OTUD7A: variants seen among roughly 807,000 people sequenced by gnomAD.
OTUD7A encodes the protein OTU deubiquitinase 7A.
OTUD7A carries 12 observed loss-of-function variants against 65.7 expected under a neutral mutation model. The ratio of observed to expected loss-of-function variants is 0.18; its 90% CI spans 0.12 to 0.30. The LOEUF is 0.30. Ranked by LOEUF, OTUD7A falls within the 10% of genes least tolerant of loss-of-function variation. OTUD7A has a pLI of 1.00. For synonymous variants in OTUD7A, 641 were observed against 586.3 expected (o/e 1.09, Z -1.35); for missense variants, 1,148 against 1,304.8 (o/e 0.88, Z 1.85).
intron 1 of OTUD7A, among the ~76,000 whole-genome samples, chr15:31,842,575 G>C (rs913869471): frequency 3.3e-5 from 5 of 152,166 alleles, no homozygotes; most frequent in Non-Finnish European, 1.5e-5. Context: ...GCTGGTGGGG[G>C]ACAGAGAGGA....
At chr15:31,734,778 G>A (rs1057480084) in intron 1 of OTUD7A, among the ~76,000 whole-genome samples, 1 of 151,740 alleles carries the variant, frequency 6.6e-6, no homozygotes, top group African/African-American at 2.4e-5. Context: ...AGACTTAAAT[G>A]TAAAACCCAA....
chr15:31,770,855 C>A (rs1895215850), intron 1 of OTUD7A, among the ~76,000 whole-genome samples: 1 of 152,224 alleles, frequency 6.6e-6, no homozygotes, highest in Non-Finnish European at 1.5e-5. Context: ...AATCTACCAT[C>A]TATTCATGAT....
chr15:31,517,013 CCA>C lies in OTUD7A; in HGVS notation c.893+9334_893+9335del, dbSNP rs2041868392. ...AAGGAGAACACAAGGCTGGTCCCAG[CCA>C]CAGAGCGATGGTCAGGTAAGAAAAA... On this transcript the variant is annotated intron_variant, in intron 8 of 12. Coordinates refer to ENST00000307050, the MANE Select transcript of OTUD7A (RefSeq NM_001382637.1). 3.9e-5 allele frequency among the ~76,000 whole-genome samples: 6 copies of C among 152,206 alleles called. 1 individual carries two copies. In the South Asian group the frequency reaches 1.2e-3, roughly 31 times the overall value.
intron 1 of OTUD7A, among the ~76,000 whole-genome samples, chr15:31,726,353 A>ACG (rs1011978081): frequency 2.6e-5 from 4 of 151,634 alleles, no homozygotes; most frequent in African/African-American, 9.7e-5. Flanking sequence ...ACACGCACAC[A>ACG]CACACACACA....
intron 1 of OTUD7A, among the ~76,000 whole-genome samples, chr15:31,841,116 G>GCCAA (rs1197644379): frequency 6.6e-6 from 1 of 152,138 alleles, no homozygotes; most frequent in Non-Finnish European, 1.5e-5. Flanking sequence ...CATCTGCTTG[G>GCCAA]TACACAGAGG....
At chr15:31,775,654 A>G (rs1895358468) in intron 1 of OTUD7A, among the ~76,000 whole-genome samples, 1 of 152,230 alleles carries the variant, frequency 6.6e-6, no homozygotes, top group South Asian at 2.1e-4. Flanking sequence ...TTCCCCACAG[A>G]GGATACTACT....
In OTUD7A at chr15:31,559,602, G is replaced by A. The variant is rs139066234; in HGVS notation, c.332-415C>T. ...TGCACATCCACTTGTATACATACATGTGCACACACTACATAGCATACACAT... is the reference window on the plus strand; with the variant it reads ...TGCACATCCACTTGTATACATACATATGCACACACTACATAGCATACACAT... On this transcript the variant is annotated intron_variant, in intron 4 of 12. Transcript: ENST00000307050. 1.0e-3 allele frequency among the ~76,000 whole-genome samples: 158 copies of A among 152,204 alleles called. 4 individuals carry two copies. The highest frequency in any genetic ancestry group is 3.7e-3 in the African/African-American group (153 of 41,496).
At chr15:31,647,822 C>T (rs1176705641) in intron 3 of OTUD7A, among the ~76,000 whole-genome samples, 2 of 151,806 alleles carry the variant, frequency 1.3e-5, no homozygotes, top group Non-Finnish European at 2.9e-5. Context: ...TCCTTGCTGT[C>T]GGGGAGTTCA....
intron 5 of OTUD7A, chr15:31,557,585 C>T (rs577260592): frequency 6.6e-6 from 1 of 152,448 alleles, no homozygotes; most frequent in East Asian, 1.9e-4. Context: ...CCATCAGCCA[C>T]TCTCATCCCT....
chr15:31,531,123 C>T (rs1276668827), intron 5 of OTUD7A, among the ~76,000 whole-genome samples: 1 of 152,164 alleles, frequency 6.6e-6, no homozygotes, highest in Non-Finnish European at 1.5e-5. Context: ...ACAGCTTTCC[C>T]TCCTGAAAGC....
chr15:31,646,183 C>T, intron 3 of OTUD7A, among the ~76,000 whole-genome samples: 1 of 152,088 alleles, frequency 6.6e-6, no homozygotes, highest in Non-Finnish European at 1.5e-5. Flanking sequence ...GACAGCTCAT[C>T]CACAGGGCTG....
At chr15:31,761,853 C>A (rs1238584741) in intron 1 of OTUD7A, among the ~76,000 whole-genome samples, 1 of 152,120 alleles carries the variant, frequency 6.6e-6, no homozygotes. Context: ...CTGGTACTTA[C>A]TACAACATGG....
At chr15:31,729,648 T>A (rs750889041) in intron 1 of OTUD7A, among the ~76,000 whole-genome samples, 5 of 152,200 alleles carry the variant, frequency 3.3e-5, no homozygotes, top group Non-Finnish European at 5.9e-5. Flanking sequence ...ACTTTTAGAT[T>A]TAACCCTCTG....
chr15:31,840,507 T>A (rs1264242083), intron 1 of OTUD7A, among the ~76,000 whole-genome samples: 2 of 152,094 alleles, frequency 1.3e-5, no homozygotes, highest in Non-Finnish European at 2.9e-5. Flanking sequence ...TAAATGATAG[T>A]AGTCTATTCT....
At chr15:31,641,629 T>G (rs1891519674) in intron 3 of OTUD7A, among the ~76,000 whole-genome samples, 1 of 152,202 alleles carries the variant, frequency 6.6e-6, no homozygotes, top group African/African-American at 2.4e-5. Context: ...TGTTTTGAAG[T>G]TTCAGTTGTA....
chr15:31,623,714 G>A lies in OTUD7A; in HGVS notation c.151+31382C>T, dbSNP rs190723136. 3.1e-3 allele frequency among the ~76,000 whole-genome samples: 470 copies of A among 152,298 alleles called. 1 individual carries two copies. Among genetic ancestry groups the A allele is most frequent in the Non-Finnish European group, 5.4e-3 (364 of 68,024 alleles). ...AATTCCCTGACCCCTTGCACTTCCCGGGTGAGGTGATGCCTCACCATGCTT... is the reference window on the plus strand; with the variant it reads ...AATTCCCTGACCCCTTGCACTTCCCAGGTGAGGTGATGCCTCACCATGCTT... On this transcript the variant is annotated intron_variant, in intron 3 of 12. Transcript: ENST00000307050.
At chr15:31,682,740 A>T (rs748010175) in intron 1 of OTUD7A, among the ~76,000 whole-genome samples, 1 of 152,168 alleles carries the variant, frequency 6.6e-6, no homozygotes, top group African/African-American at 2.4e-5. Flanking sequence ...TTAGGTGTCC[A>T]TGTGTGAGCA....
intron 1 of OTUD7A, among the ~76,000 whole-genome samples, chr15:31,728,323 C>T (rs7175850): frequency 0.99 from 150,048 of 152,328 alleles, 73,946 homozygotes; most frequent in Middle Eastern, 1. Flanking sequence ...TTTTCACTTC[C>T]ACCATCTGCC....
intron 1 of OTUD7A, among the ~76,000 whole-genome samples, chr15:31,815,799 T>C (rs1469148841): frequency 6.6e-6 from 1 of 152,238 alleles, no homozygotes. Flanking sequence ...AATGTACGCA[T>C]TCGGTAACAA....
Sources: gnomAD v4.1 joint callset for allele counts (sites outside exome capture counted in the v4.1 genomes callset) on GRCh38, gnomAD v4.1.1 for gene constraint, MANE v1.5 for transcripts, NCBI Gene and HGNC (gene_info 2026-07-23, HGNC 2026-07-21) for gene names.